The following NDE1 variants were observed in gnomAD, a reference collection of about 807,000 sequenced individuals.
The protein encoded by NDE1 is nudE neurodevelopment protein 1.
NDE1 carries 28 observed loss-of-function variants against 43.4 expected under a neutral mutation model. The ratio of observed to expected loss-of-function variants is 0.65; its 90% CI spans 0.48 to 0.89. The LOEUF (loss-of-function observed/expected upper bound fraction) is 0.89, where lower values mean the gene tolerates loss of function less well. Among genes scored for constraint, NDE1 ranks in the 40% least tolerant of loss-of-function variants. NDE1 has a pLI of 0.00. For synonymous variants in NDE1, 184 were observed against 172.0 expected (o/e 1.07, Z -0.55); for missense variants, 441 against 434.1 (o/e 1.02, Z -0.14).
chr16:15,717,363 G>A lies in NDE1; in HGVS notation c.948-6828G>A, dbSNP rs889831199. 3.7e-6 allele frequency: 6 copies of A among 1,603,406 alleles called. No homozygotes were observed. The African/African-American group carries it at 8.0e-5, about 21-fold the overall frequency. ...AGCTGCTCGGCCTGGGGAGGAGAGT[G>A]AAGGCCATGAGGCGGACTCAGGGAA... On this transcript the variant is annotated intron_variant, in intron 8 of 8. Transcript: ENST00000396354.
chr16:15,658,367 G>C (rs1367436849), intron 1 of NDE1, among the ~76,000 whole-genome samples: 2 of 152,244 alleles, frequency 1.3e-5, no homozygotes, highest in Non-Finnish European at 2.9e-5. Flanking sequence ...CACTGGCTGA[G>C]CATGGGGGTT....
In NDE1 at chr16:15,656,287, C is replaced by T. The variant is rs149424026; in HGVS notation, c.-44+5993C>T. 1.2e-3 allele frequency among the ~76,000 whole-genome samples: 187 copies of T among 152,042 alleles called. 1 individual carries two copies. The highest frequency in any genetic ancestry group is 3.9e-3 in the South Asian group (19 of 4,818). On this transcript the variant is annotated intron_variant, in intron 1 of 8. Coordinates refer to ENST00000396354, the MANE Select transcript of NDE1 (RefSeq NM_017668.3). ...GAAATGCTGTTCCTGTGGTTTTTGT[C>T]TCTTGGTTGGAGTGAAAGATTTTGC...
Position 15,691,271 on chromosome 16 carries a change from T to G in NDE1, c.651T>G (p.Ile217Met). 6.2e-7 allele frequency: 1 copy of G among 1,614,064 alleles called. No homozygotes were observed. The highest frequency in any genetic ancestry group is 8.5e-7 in the Non-Finnish European group (1 of 1,179,974). The change falls in exon 6 of 9, where the codon ATT becomes ATG. Residue 217 changes from isoleucine (I) to methionine (M), a missense_variant. By Grantham distance (10) the Ile-to-Met change is conservative (BLOSUM62 1). Transcript: ENST00000396354. ...QATGSVPSTPIAHRGPSSSLN... is the reference protein window; with the variant it reads ...QATGSVPSTPMAHRGPSSSLN... Reference sequence around the variant, plus strand: ...CGGGCTCCGTGCCGTCCACGCCCATTGCTCACCGAGGACCCAGCTCAAGTT... The same window carrying G: ...CGGGCTCCGTGCCGTCCACGCCCATGGCTCACCGAGGACCCAGCTCAAGTT...
At chr16:15,709,633 G>T (rs2039667629) in intron 8 of NDE1, among the ~76,000 whole-genome samples, 1 of 152,124 alleles carries the variant, frequency 6.6e-6, no homozygotes, top group Non-Finnish European at 1.5e-5. Context: ...TAAATGGAAA[G>T]GAAAATGTCT....
At chr16:15,656,738 A>G (rs1174224170) in intron 1 of NDE1, among the ~76,000 whole-genome samples, 2 of 151,950 alleles carry the variant, frequency 1.3e-5, no homozygotes, top group Admixed American at 1.3e-4. Context: ...ATGGGGTTTT[A>G]CCATGTTGGC....
intron 8 of NDE1, chr16:15,708,770 CAA>C (rs1567674611): frequency 1.9e-6 from 3 of 1,595,628 alleles, no homozygotes; most frequent in Non-Finnish European, 2.6e-6. Flanking sequence ...GATACTGAGA[CAA>C]CACACAGCTG....
In NDE1 at chr16:15,721,518, C is replaced by T. The variant is rs1214180465; in HGVS notation, c.948-2673C>T. ...CGAGTTCCTCTTTGGCTTCCAAGGCCTCTTCAAGGGCCCGAGCCAGGGACA... is the reference window on the plus strand; with the variant it reads ...CGAGTTCCTCTTTGGCTTCCAAGGCTTCTTCAAGGGCCCGAGCCAGGGACA... On this transcript the variant is annotated intron_variant, in intron 8 of 8. Transcript: ENST00000396354. 1 of 1,614,224 alleles carries T rather than the reference C, an allele frequency of 6.2e-7. No homozygotes were observed. Among genetic ancestry groups the T allele is most frequent in the Non-Finnish European group, 8.5e-7 (1 of 1,180,044 alleles).
Position 15,724,765 on chromosome 16 carries a change from T to C in NDE1, c.*514T>C, listed in dbSNP as rs776574034. 2 of 1,614,136 alleles carry C rather than the reference T, an allele frequency of 1.2e-6. No homozygotes were observed. Among genetic ancestry groups the C allele is most frequent in the South Asian group, 1.1e-5 (1 of 91,084 alleles). ...CAGCTGGCGCAGCTTCGTAGACACGTTGAGCTTCTGCCGGGTTTCTTCTTG... is the reference window on the plus strand; with the variant it reads ...CAGCTGGCGCAGCTTCGTAGACACGCTGAGCTTCTGCCGGGTTTCTTCTTG... On this transcript the variant is annotated 3_prime_UTR_variant, in exon 9 of 9. Transcript: ENST00000396354.
chr16:15,698,707 G>A (rs1287221000), intron 8 of NDE1, among the ~76,000 whole-genome samples: 3 of 151,708 alleles, frequency 2.0e-5, no homozygotes, highest in Non-Finnish European at 2.9e-5. Flanking sequence ...CTAAAAATAC[G>A]AAAATTAGCC....
At chr16:15,649,188 T>A (rs1019680135), upstream of NDE1, among the ~76,000 whole-genome samples, 3 of 152,074 alleles carry the variant, frequency 2.0e-5, no homozygotes, top group Admixed American at 6.6e-5. Flanking sequence ...AGAGGGAGAT[T>A]TCATCTCAAA....
intron 1 of NDE1, among the ~76,000 whole-genome samples, chr16:15,653,681 G>A (rs1693894969): frequency 6.9e-6 from 1 of 145,014 alleles, no homozygotes; most frequent in African/African-American, 2.6e-5. Flanking sequence ...AGACTTTTTT[G>A]TTAGCTTTAA....
intron 8 of NDE1, chr16:15,719,782 C>A: frequency 6.3e-7 from 1 of 1,599,536 alleles, no homozygotes; most frequent in Non-Finnish European, 8.5e-7. Flanking sequence ...CCCAGTTCAG[C>A]TTTGCACACC....
At chr16:15,704,204 T>C in intron 8 of NDE1, 1 of 1,563,022 alleles carries the variant, frequency 6.4e-7, no homozygotes, top group East Asian at 2.3e-5. Flanking sequence ...TATTTTAAAC[T>C]TGTAGCTATA....
chr16:15,717,209 AACTTGG>A (rs1567687659), intron 8 of NDE1: 1 of 1,614,134 alleles, frequency 6.2e-7, no homozygotes, highest in Admixed American at 1.7e-5. Context: ...GGTGGACTTG[AACTTGG>A]ACTTGACGGC....
At chr16:15,644,606 T>C (rs902070227) in intron 1 of NDE1, among the ~76,000 whole-genome samples, 2 of 152,154 alleles carry the variant, frequency 1.3e-5, no homozygotes, top group Non-Finnish European at 2.9e-5. Context: ...TGAAACCCTA[T>C]CACTATTTAG....
At chr16:15,710,927 C>G (rs1008179944) in intron 8 of NDE1, among the ~76,000 whole-genome samples, 1 of 152,180 alleles carries the variant, frequency 6.6e-6, no homozygotes, top group African/African-American at 2.4e-5. Context: ...ATCAGCCCAC[C>G]TCAGCCTCCC....
intron 4 of NDE1, among the ~76,000 whole-genome samples, chr16:15,685,786 G>T (rs867925275): frequency 6.6e-6 from 1 of 152,102 alleles, no homozygotes; most frequent in Non-Finnish European, 1.5e-5. Flanking sequence ...GAGGAGCTGG[G>T]TGTTAACTCC....
chr16:15,686,294 T>C (rs2038435790), intron 4 of NDE1: 1 of 850,744 alleles, frequency 1.2e-6, no homozygotes, highest in Non-Finnish European at 1.4e-6. Context: ...CAATCCTGCA[T>C]GAAGGTTACT....
rs1158734910 is a variant in NDE1, at chr16:15,703,611, G to C, written c.947+6751G>C. The C allele has an allele frequency of 7.7e-6, 3 of 388,960 alleles. No individual in the cohort carries two copies. In the Admixed American group the frequency reaches 1.2e-4, roughly 16 times the overall value. The allele number at this position is 388,960 out of a possible 1,614,324, so 24.1% of individuals were successfully genotyped here. A position where few individuals can be genotyped will look rare whatever the true frequency, so the allele number is the denominator to read the frequency against. On this transcript the variant is annotated intron_variant, in intron 8 of 8. Coordinates refer to ENST00000396354, the MANE Select transcript of NDE1 (RefSeq NM_017668.3). The stretch of plus-strand genomic sequence containing the variant: ...AGGGGTGGTGGTGGTGGTGGTGGTT[G>C]AGACAGGGTCTCTGTTGCCCAGGCT...
Sources: gnomAD v4.1 joint callset for allele counts (sites outside exome capture counted in the v4.1 genomes callset) on GRCh38, gnomAD v4.1.1 for gene constraint, MANE v1.5 for transcripts, NCBI Gene and HGNC (gene_info 2026-07-23, HGNC 2026-07-21) for gene names.